The following UPF3A variants were observed in gnomAD, a reference collection of about 807,000 sequenced individuals.
UPF3A encodes regulator of nonsense transcripts 3A.
A neutral mutation model predicts 53.5 loss-of-function variants in UPF3A; 42 were observed. The ratio of observed to expected loss-of-function variants is 0.78; its 90% CI spans 0.61 to 1.01. The LOEUF is 1.01. UPF3A is among the 50% of genes least tolerant of loss of function. The pLI is 0.00. For synonymous variants in UPF3A, 237 were observed against 225.3 expected (o/e 1.05, Z -0.47); for missense variants, 575 against 598.0 (o/e 0.96, Z 0.40).
At chr13:114,294,565 A>G (rs561949057) in intron 7 of UPF3A, among the ~76,000 whole-genome samples, 10 of 152,330 alleles carry the variant, frequency 6.6e-5, no homozygotes, top group Admixed American at 1.3e-4. Flanking sequence ...GCTATTCTTA[A>G]TAAAGAGAAA....
At chr13:114,302,937 A>C (rs896960841) in intron 9 of UPF3A, among the ~76,000 whole-genome samples, 4 of 152,172 alleles carry the variant, frequency 2.6e-5, no homozygotes, top group Non-Finnish European at 4.4e-5. Context: ...CCCTGTCTCT[A>C]CTAAAAATAC....
At chr13:114,285,925 G>C (rs555542556) in intron 3 of UPF3A, 6 of 190,422 alleles carry the variant, frequency 3.2e-5, no homozygotes, top group Non-Finnish European at 6.5e-5. Flanking sequence ...GGGAGGTCAG[G>C]TATATTGAGG....
chr13:114,300,963 A>G (rs528375396), intron 8 of UPF3A, among the ~76,000 whole-genome samples: 1 of 147,860 alleles, frequency 6.8e-6, no homozygotes, highest in African/African-American at 2.6e-5. Flanking sequence ...GGCACATGCC[A>G]CCACACCTGG....
At chr13:114,296,653 G>A (rs1343795509) in intron 7 of UPF3A, among the ~76,000 whole-genome samples, 1 of 152,186 alleles carries the variant, frequency 6.6e-6, no homozygotes, top group East Asian at 1.9e-4. Context: ...TGACTGGTCA[G>A]AAGTACCGGT....
chr13:114,294,214 C>T lies in UPF3A; in HGVS notation c.846+2422C>T, dbSNP rs1347695624. On this transcript the variant is annotated intron_variant, in intron 7 of 9. Transcript: ENST00000375299. ...AGAAATGCAAAAGAAGGTGTATCAA[C>T]AGCTTAAAGAAAGACAGATGGCTCA... Among the ~76,000 whole-genome samples the T allele has an allele frequency of 2.6e-5, 4 of 151,512 alleles. No homozygotes were observed. The East Asian group carries it at 7.8e-4, about 30-fold the overall frequency.
chr13:114,281,810 C>A lies in UPF3A; in HGVS notation c.171C>A (p.Gly57=), dbSNP rs538335625. The part of the protein sequence containing the change: ...TSSSGCGGGA[G]KPREEKRTAL... The stretch of plus-strand genomic sequence containing the variant: ...CCTCCGGTTGCGGGGGCGGTGCGGG[C>A]AAACCTCGCGAGGAGAAGAGGACGG... Residue 57 remains glycine, a synonymous_variant, in exon 1 of 10, where the codon GGC becomes GGA. Transcript: ENST00000375299. The A allele has an allele frequency of 4.5e-6, 7 of 1,547,332 alleles. No homozygotes were observed. The highest frequency in any genetic ancestry group is 2.4e-5 in the South Asian group (2 of 83,950).
At position 114,301,886 on chromosome 13, in the gene UPF3A, G is replaced by A; in HGVS notation, c.1163G>A (p.Trp388Ter). 1.9e-6 allele frequency: 3 copies of A among 1,610,996 alleles called. No individual in the cohort carries two copies. Among genetic ancestry groups the A allele is most frequent in the South Asian group, 1.1e-5 (1 of 90,782 alleles). ...AGAAGGAGTGAGGATGAGCAGAGAT[G>A]GGGGAAAGGACCTGGCCAAGACAGA... is the stretch of plus-strand genomic sequence containing the variant. The part of the protein sequence containing the change: ...LSRRSEDEQR[W>*]GKGPGQDRGK... Residue 388 changes from tryptophan (W) to a stop codon, truncating the protein, a stop_gained, in exon 9 of 10, where the codon TGG (tryptophan) becomes TAG (stop). Transcript: ENST00000375299. LOFTEE classifies it high-confidence loss of function.
In UPF3A at chr13:114,282,936, C is replaced by G; in HGVS notation, c.414C>G (p.Asp138Glu). The G allele has an allele frequency of 6.2e-7, 1 of 1,603,404 alleles. No homozygotes were observed. The highest frequency in any genetic ancestry group is 8.5e-7 in the Non-Finnish European group (1 of 1,172,168). ...RDRFDGYIFL[D>E]SKGLEYPAVV... Reference sequence around the variant, plus strand: ...GTTTTGATGGATATATCTTCCTTGACAGCAAAGGTTGGATTATTGGTTTTT... The same window carrying G: ...GTTTTGATGGATATATCTTCCTTGAGAGCAAAGGTTGGATTATTGGTTTTT... Residue 138 changes from aspartate to glutamate, a missense_variant, in exon 3 of 10, where the codon GAC (aspartate) becomes GAG (glutamate). By Grantham distance (45) the Asp-to-Glu change is conservative (BLOSUM62 2). This residue lies in a region of UPF3A where 323 missense variants were observed against 415.2 expected (regional missense o/e 0.78). Transcript: ENST00000375299.
chr13:114,287,837 C>A (rs1258996711), intron 5 of UPF3A, among the ~76,000 whole-genome samples: 1 of 151,922 alleles, frequency 6.6e-6, no homozygotes, highest in African/African-American at 2.4e-5. Flanking sequence ...TTTTTCCCCC[C>A]ACTCTGTTGC....
Position 114,281,633 on chromosome 13 carries a change from G to C in UPF3A, c.-7G>C. On this transcript the variant is annotated 5_prime_UTR_variant, in exon 1 of 10. Transcript: ENST00000375299. ...GCTGGCGGCTGCGGCTCGGCGGAGA[G>C]TGCGGCATGCGCTCGGAAAAGGAGG... 6.9e-7 allele frequency: 1 copy of C among 1,458,070 alleles called. No individual in the cohort carries two copies. Among genetic ancestry groups the C allele is most frequent in the Non-Finnish European group, 9.0e-7 (1 of 1,105,854 alleles). 90.3% of individuals were successfully genotyped at this position (1,458,070 alleles called of 1,614,324 possible).
At chr13:114,294,183 CTG>C (rs1210615103) in intron 7 of UPF3A, among the ~76,000 whole-genome samples, 3 of 151,662 alleles carry the variant, frequency 2.0e-5, no homozygotes, top group Admixed American at 6.6e-5. Context: ...AAAATGGAAT[CTG>C]TGGAGAAATG....
Position 114,282,437 on chromosome 13 carries a change from G to C in UPF3A, c.314+310G>C. 4 of 985,406 alleles carry C rather than the reference G, an allele frequency of 4.1e-6. No individual in the cohort carries two copies. In the South Asian group the frequency reaches 1.9e-4, roughly 46 times the overall value. The allele number at this position is 985,406 out of a possible 1,614,324, so 61.0% of individuals were successfully genotyped here. A position where few individuals can be genotyped will look rare whatever the true frequency, so the allele number is the denominator to read the frequency against. ...TCCCGGGCTTCCCTGCTCGTCCGCG[G>C]ACGGGGCGCTGCGGGGCCGGGGGGC... On this transcript the variant is annotated intron_variant, in intron 2 of 9. Transcript: ENST00000375299.
intron 7 of UPF3A, among the ~76,000 whole-genome samples, chr13:114,292,572 C>T (rs111328976): frequency 0.045 from 6,569 of 147,392 alleles, 121 homozygotes; most frequent in Middle Eastern, 0.12. Flanking sequence ...CGGCTCAAGG[C>T]GTACACGTGC....
At chr13:114,283,716 A>G (rs1269086035) in intron 3 of UPF3A, 2 of 978,338 alleles carry the variant, frequency 2.0e-6, no homozygotes, top group Non-Finnish European at 1.2e-6. Flanking sequence ...CTTCAACTCT[A>G]CTCTCAATAG....
chr13:114,291,141 A>G (rs1275146751), intron 5 of UPF3A, among the ~76,000 whole-genome samples: 1 of 152,106 alleles, frequency 6.6e-6, no homozygotes. Context: ...TTATTTTAAA[A>G]CTGTTGCTTG....
At chr13:114,300,841 AT>A (rs757086898) in intron 8 of UPF3A, among the ~76,000 whole-genome samples, 2 of 151,594 alleles carry the variant, frequency 1.3e-5, no homozygotes, top group Non-Finnish European at 2.9e-5. Context: ...GCCTGGCCTA[AT>A]TTTTGTATTT....
At chr13:114,284,027 C>G (rs2139138927) in intron 3 of UPF3A, 1 of 985,416 alleles carries the variant, frequency 1.0e-6, no homozygotes, top group Middle Eastern at 5.2e-4. Context: ...GTGTTCATTG[C>G]TCATTTATTC....
At position 114,297,063 on chromosome 13, in the gene UPF3A, A is replaced by G. The variant is rs937724226; in HGVS notation, c.847-1777A>G. Among the ~76,000 whole-genome samples, 11 of 152,286 alleles carry G rather than the reference A, an allele frequency of 7.2e-5. No individual in the cohort carries two copies. In the East Asian group the frequency reaches 9.6e-4, roughly 13 times the overall value. On this transcript the variant is annotated intron_variant, in intron 7 of 9. Coordinates refer to ENST00000375299, the MANE Select transcript of UPF3A (RefSeq NM_023011.4). ...CACGCTTGATGAGAAGCGGCTTCCA[A>G]TGCTCCACCTTGCATGATGCGTTGT...
chr13:114,303,515 G>A (rs181253953), intron 9 of UPF3A, among the ~76,000 whole-genome samples: 2 of 152,294 alleles, frequency 1.3e-5, no homozygotes, highest in African/African-American at 2.4e-5. Flanking sequence ...GCCCGGTGCG[G>A]TGGCTCATGC....
Sources: gnomAD v4.1 joint callset for allele counts (sites outside exome capture counted in the v4.1 genomes callset) on GRCh38, gnomAD v4.1.1 for gene constraint, gnomAD v4.1.1 regional missense constraint, MANE v1.5 for transcripts, NCBI Gene and HGNC (gene_info 2026-07-23, HGNC 2026-07-21) for gene names.